The following GPR17 variants were observed in gnomAD, a reference collection of about 807,000 sequenced individuals.
The protein encoded by GPR17 is uracil nucleotide/cysteinyl leukotriene receptor.
GPR17 carries 4 observed loss-of-function variants against 1.5 expected under a neutral mutation model. The ratio of observed to expected loss-of-function variants is 2.73; its 90% CI spans 1.35 to 6.25. GPR17 has a LOEUF of 6.25. GPR17 is among the 30% of genes most tolerant of loss of function. The probability of loss-of-function intolerance (pLI) is 0.00; values close to 1 mark genes in which losing one functional copy is unlikely to be tolerated. For missense variants in GPR17, 463 were observed against 462.1 expected, an observed-to-expected ratio of 1.00 and a Z score of -0.02; for synonymous variants, 209 against 207.6, an observed-to-expected ratio of 1.01 and a Z score of -0.06.
chr2:127,651,945 C>A lies in GPR17; in HGVS notation c.*190C>A, dbSNP rs1349596149. 6 of 631,306 alleles carry A rather than the reference C, an allele frequency of 9.5e-6. No homozygotes were observed. The highest frequency in any genetic ancestry group is 8.8e-5 in the Admixed American group (3 of 33,968). The allele number at this position is 631,306 out of a possible 1,614,324, so 39.1% of individuals were successfully genotyped here. On this transcript the variant is annotated 3_prime_UTR_variant, in exon 2 of 2. Transcript: ENST00000486700. Reference sequence around the variant, plus strand: ...ACTGACAAAGGGGATCCATCGGCCACCCCTCTGCAGGGGCTTGTGATGGCT... The same window carrying A: ...ACTGACAAAGGGGATCCATCGGCCAACCCTCTGCAGGGGCTTGTGATGGCT...
At position 127,651,120 on chromosome 2, in the gene GPR17, C is replaced by A; in HGVS notation, c.385C>A (p.Arg129Ser). The change falls in exon 2 of 2, where the codon CGT becomes AGT. Residue 129 changes from arginine to serine, a missense_variant. Coordinates refer to ENST00000486700, the MANE Select transcript of GPR17 (RefSeq NM_001161417.2). ...IYFLTCISAD[R>S]FLAIVHPVKS... ...CTTCCTCACCTGCATCAGCGCCGACCGTTTCCTGGCCATTGTGCACCCGGT... is the reference window on the plus strand; with the variant it reads ...CTTCCTCACCTGCATCAGCGCCGACAGTTTCCTGGCCATTGTGCACCCGGT... 1 of 1,613,506 alleles carries A rather than the reference C, an allele frequency of 6.2e-7. No individual in the cohort carries two copies.
Position 127,651,395 on chromosome 2 carries a change from G to C in GPR17, c.660G>C (p.Arg220=). ...TCYLLIIRSL[R]QGLRVEKRLK... ...ACCTGCTGATCATCCGCAGCCTGCGGCAGGGCCTGCGTGTGGAGAAGCGCC... is the reference window on the plus strand; with the variant it reads ...ACCTGCTGATCATCCGCAGCCTGCGCCAGGGCCTGCGTGTGGAGAAGCGCC... Residue 220 remains arginine (R), a synonymous_variant, in exon 2 of 2, where the codon CGG becomes CGC. Transcript: ENST00000486700. The C allele has an allele frequency of 6.2e-7, 1 of 1,612,744 alleles. No homozygotes were observed. Among genetic ancestry groups the C allele is most frequent in the Non-Finnish European group, 8.5e-7 (1 of 1,180,046 alleles).
At position 127,652,051 on chromosome 2, in the gene GPR17, G is replaced by C; in HGVS notation, c.*296G>C. On this transcript the variant is annotated 3_prime_UTR_variant, in exon 2 of 2. Transcript: ENST00000486700. ...GAAGAACAACCCCTGAACAATGGAG[G>C]CCTTTCTTTCCCGCTAGGCTCCCAG... 1 of 408,738 alleles carries C rather than the reference G, an allele frequency of 2.4e-6. No homozygotes were observed. Among genetic ancestry groups the C allele is most frequent in the Admixed American group, 4.1e-5 (1 of 24,414 alleles). 25.3% of individuals were successfully genotyped at this position (408,738 alleles called of 1,614,324 possible).
chr2:127,650,462 T>G (rs1477081144), intron 1 of GPR17: 5 of 552,454 alleles, frequency 9.1e-6, no homozygotes, highest in African/African-American at 3.8e-5. Context: ...ATCTCCTGGG[T>G]GGCAGGGGTG....
In GPR17 at chr2:127,651,388, G is replaced by C; in HGVS notation, c.653G>C (p.Ser218Thr). 6.2e-7 allele frequency: 1 copy of C among 1,612,762 alleles called. No homozygotes were observed. Among genetic ancestry groups the C allele is most frequent in the Admixed American group, 1.7e-5 (1 of 60,032 alleles). ...TVTCYLLIIR[S>T]LRQGLRVEKR... ...ACCTGCTACCTGCTGATCATCCGCAGCCTGCGGCAGGGCCTGCGTGTGGAG... is the reference window on the plus strand; with the variant it reads ...ACCTGCTACCTGCTGATCATCCGCACCCTGCGGCAGGGCCTGCGTGTGGAG... Residue 218 changes from serine (S) to threonine (T), a missense_variant, in exon 2 of 2, where the codon AGC (serine) becomes ACC (threonine). Ser to Thr is a moderately conservative substitution (Grantham distance 58). Transcript: ENST00000486700.
At chr2:127,648,159 G>C (rs1683208181) in intron 1 of GPR17, 1 of 985,188 alleles carries the variant, frequency 1.0e-6, no homozygotes, top group African/African-American at 1.7e-5. Context: ...CTGGGGAATG[G>C]GGTCCCCATG....
chr2:127,651,738 GC>G lies in GPR17; in HGVS notation c.1005del (p.Lys336SerfsTer39). ...GAAAACCAACGAGAGCTCGCTGAGTGCCAAGTCAGAGCTGTGAGCGGGGGGC... is the reference window on the plus strand; with the variant it reads ...GAAAACCAACGAGAGCTCGCTGAGTGCAAGTCAGAGCTGTGAGCGGGGGGC... ...EGKTNESSLS[A>X]KSEL On this transcript the variant is annotated frameshift_variant, in exon 2 of 2. Transcript: ENST00000486700. LOFTEE classifies it high-confidence loss of function. 1.2e-6 allele frequency: 2 copies of G among 1,612,546 alleles called. No individual in the cohort carries two copies. Among genetic ancestry groups the G allele is most frequent in the Non-Finnish European group, 8.5e-7 (1 of 1,179,694 alleles).
rs1683835019 is a variant in GPR17 at position 127,651,822 on chromosome 2, G to A, written c.*67G>A. On this transcript the variant is annotated 3_prime_UTR_variant, in exon 2 of 2. Transcript: ENST00000486700. Reference sequence around the variant, plus strand: ...TCAGCAGACCCAGCAAGAGGCATCTGCCCTTTCCCCAGCCACCTCCCCAGC... The same window carrying A: ...TCAGCAGACCCAGCAAGAGGCATCTACCCTTTCCCCAGCCACCTCCCCAGC... 1.4e-6 allele frequency: 2 copies of A among 1,463,240 alleles called. No homozygotes were observed. Among genetic ancestry groups the A allele is most frequent in the Non-Finnish European group, 1.9e-6 (2 of 1,073,342 alleles). The allele number at this position is 1,463,240 out of a possible 1,614,324, so 90.6% of individuals were successfully genotyped here. A position where few individuals can be genotyped will look rare whatever the true frequency, so the allele number is the denominator to read the frequency against.
chr2:127,648,644 G>C (rs556810329), intron 1 of GPR17, among the ~76,000 whole-genome samples: 1 of 152,228 alleles, frequency 6.6e-6, no homozygotes, highest in Non-Finnish European at 1.5e-5. Context: ...ACTCATGCCT[G>C]TAATCCCAGC....
chr2:127,651,429 A>G lies in GPR17; in HGVS notation c.694A>G (p.Lys232Glu). The G allele has an allele frequency of 6.2e-7, 1 of 1,612,946 alleles. No homozygotes were observed. Among genetic ancestry groups the G allele is most frequent in the Non-Finnish European group, 8.5e-7 (1 of 1,180,020 alleles). The stretch of plus-strand genomic sequence containing the variant: ...GCGTGTGGAGAAGCGCCTCAAGACC[A>G]AGGCAGTGCGCATGATCGCCATAGT... ...GLRVEKRLKT[K>E]AVRMIAIVLA... The change falls in exon 2 of 2, where the codon AAG becomes GAG. Residue 232 changes from lysine to glutamate, a missense_variant. Transcript: ENST00000486700.
Position 127,652,014 on chromosome 2 carries a change from G to C in GPR17, c.*259G>C. ...TCAACGACTTCATCTGTGGCAGGGA[G>C]AGAGGAGGCCGGAAGAACAACCCCT... is the stretch of plus-strand genomic sequence containing the variant. On this transcript the variant is annotated 3_prime_UTR_variant, in exon 2 of 2. Coordinates refer to ENST00000486700, the MANE Select transcript of GPR17 (RefSeq NM_001161417.2). 3.7e-6 allele frequency: 2 copies of C among 538,494 alleles called. No homozygotes were observed. The highest frequency in any genetic ancestry group is 6.8e-6 in the Non-Finnish European group (2 of 295,514). The allele number at this position is 538,494 out of a possible 1,614,324, so 33.4% of individuals were successfully genotyped here. A position where few individuals can be genotyped will look rare whatever the true frequency, so the allele number is the denominator to read the frequency against.
chr2:127,652,041 A>C lies in GPR17; in HGVS notation c.*286A>C. ...GAGGAGGCCGGAAGAACAACCCCTG[A>C]ACAATGGAGGCCTTTCTTTCCCGCT... On this transcript the variant is annotated 3_prime_UTR_variant, in exon 2 of 2. Coordinates refer to ENST00000486700, the MANE Select transcript of GPR17 (RefSeq NM_001161417.2). The C allele has an allele frequency of 2.2e-6, 1 of 458,718 alleles. No individual in the cohort carries two copies. The allele number at this position is 458,718 out of a possible 1,614,324, so 28.4% of individuals were successfully genotyped here.
intron 1 of GPR17, chr2:127,648,292 G>T: frequency 1.5e-6 from 1 of 649,600 alleles, no homozygotes; most frequent in Admixed American, 6.3e-5. Flanking sequence ...TTCAGGTAGG[G>T]GAACCTGCCT....
Position 127,651,457 on chromosome 2 carries a change from T to C in GPR17, c.722T>C (p.Leu241Pro), listed in dbSNP as rs1463644176. 3 of 1,612,872 alleles carry C rather than the reference T, an allele frequency of 1.9e-6. No homozygotes were observed. Among genetic ancestry groups the C allele is most frequent in the East Asian group, 4.5e-5 (2 of 44,902 alleles). Residue 241 changes from leucine to proline, a missense_variant, in exon 2 of 2, where the codon CTG becomes CCG. Coordinates refer to ENST00000486700, the MANE Select transcript of GPR17 (RefSeq NM_001161417.2). ...GCAGTGCGCATGATCGCCATAGTGC[T>C]GGCCATCTTCCTGGTCTGCTTCGTG... ...TKAVRMIAIV[L>P]AIFLVCFVPY...
intron 1 of GPR17, chr2:127,650,389 AG>A (rs1473963852): frequency 1.9e-6 from 1 of 530,242 alleles, no homozygotes; most frequent in Non-Finnish European, 3.3e-6. Flanking sequence ...CACCCAGGCA[AG>A]GCTCACGTCC....
At chr2:127,649,165 TAGGAAGGA>T (rs376330379) in intron 1 of GPR17, among the ~76,000 whole-genome samples, 8,769 of 134,300 alleles carry the variant, frequency 0.065, 370 homozygotes, top group Non-Finnish European at 0.093. Context: ...GAGAGGAAGG[TAGGAAGGA>T]AGGAAGGAAG....
chr2:127,650,139 CCCT>C (rs1683578380), intron 1 of GPR17: 3 of 1,442,450 alleles, frequency 2.1e-6, no homozygotes, highest in South Asian at 2.4e-5. Flanking sequence ...CCTGGGGGCA[CCCT>C]CCTAAGTGCC....
chr2:127,650,193 C>T (rs1395363380), intron 1 of GPR17: 12 of 913,072 alleles, frequency 1.3e-5, no homozygotes, highest in Admixed American at 2.2e-5. Context: ...AGCGGTGACA[C>T]CCCGGCCACT....
chr2:127,647,457 T>C lies in GPR17; in HGVS notation c.-21+1213T>C, dbSNP rs1299129378. Among the ~76,000 whole-genome samples the C allele has an allele frequency of 6.6e-6, 1 of 152,184 alleles. No individual in the cohort carries two copies. Among genetic ancestry groups the C allele is most frequent in the East Asian group, 1.9e-4 (1 of 5,176 alleles). On this transcript the variant is annotated intron_variant, in intron 1 of 1. Transcript: ENST00000486700. This position sits in a 1 kb window ranked among gnomAD's most constrained non-coding sequence, Gnocchi z 4.3. Reference sequence around the variant, plus strand: ...CTGCAACATGGGGCTAAAACTGGTTTGAGCCAGCACAGGCAGGCCCCCACC... The same window carrying C: ...CTGCAACATGGGGCTAAAACTGGTTCGAGCCAGCACAGGCAGGCCCCCACC...
Sources: gnomAD v4.1 joint callset for allele counts (sites outside exome capture counted in the v4.1 genomes callset) on GRCh38, gnomAD v4.1.1 for gene constraint, Gnocchi (gnomAD v3.1) non-coding constraint, MANE v1.5 for transcripts, NCBI Gene and HGNC (gene_info 2026-07-23, HGNC 2026-07-21) for gene names.